Variants in PDE10A observed in about 807,000 individuals in gnomAD.
PDE10A encodes the protein phosphodiesterase 10A.
In PDE10A, 39 loss-of-function variants were observed where a neutral mutation model predicts 97.7. That is an observed-to-expected ratio of 0.40 (90% CI 0.31 to 0.52). The LOEUF (loss-of-function observed/expected upper bound fraction) is 0.52. Among genes scored for constraint, PDE10A ranks in the 20% least tolerant of loss-of-function variants. The pLI is 0.56. For synonymous variants in PDE10A, 371 were observed against 376.8 expected, an observed-to-expected ratio of 0.98 and a Z score of 0.18; for missense variants, 731 against 1,047.8, an observed-to-expected ratio of 0.70 and a Z score of 4.17.
chr6:165,358,922 G>A (rs964566621), intron 18 of PDE10A, among the ~76,000 whole-genome samples: 6 of 150,816 alleles, frequency 4.0e-5, no homozygotes, highest in African/African-American at 1.5e-4. Flanking sequence ...AGTTTCCCTG[G>A]GGATTATAAT....
intron 1 of PDE10A, among the ~76,000 whole-genome samples, chr6:165,728,635 TA>T (rs1023165676): frequency 5.3e-5 from 8 of 152,174 alleles, no homozygotes; most frequent in African/African-American, 1.9e-4. Flanking sequence ...TGACATGTTT[TA>T]GGCAAAAATG....
intron 18 of PDE10A, among the ~76,000 whole-genome samples, chr6:165,361,171 A>T (rs1295859303): frequency 6.6e-6 from 1 of 152,208 alleles, no homozygotes; most frequent in Non-Finnish European, 1.5e-5. Flanking sequence ...AGGTTTCAAG[A>T]TACAAGATAA....
chr6:165,841,801 A>G (rs1431842438), intron 1 of PDE10A, among the ~76,000 whole-genome samples: 1 of 152,226 alleles, frequency 6.6e-6, no homozygotes, highest in African/African-American at 2.4e-5. Context: ...TTCGTGCTCA[A>G]AGACTGCTCT....
intron 13 of PDE10A, among the ~76,000 whole-genome samples, chr6:165,408,560 G>A (rs973293835): frequency 4.6e-5 from 7 of 152,090 alleles, no homozygotes; most frequent in Admixed American, 3.3e-4. Context: ...AAAGAAACGC[G>A]ATGCTATCTT....
At chr6:165,554,291 T>C (rs1410166459) in intron 1 of PDE10A, among the ~76,000 whole-genome samples, 3 of 151,862 alleles carry the variant, frequency 2.0e-5, no homozygotes, top group East Asian at 1.9e-4. Context: ...CCAGAATATA[T>C]AAAGAGCTCA....
At chr6:165,872,659 TG>T (rs67551918) in intron 1 of PDE10A, among the ~76,000 whole-genome samples, 40,327 of 96,282 alleles carry the variant, frequency 0.42, 6,006 homozygotes, top group South Asian at 0.51. Flanking sequence ...GTGTTTTTTT[TG>T]TTGTTGTTGT....
chr6:165,582,060 G>A (rs1283432954), intron 1 of PDE10A, among the ~76,000 whole-genome samples: 3 of 152,084 alleles, frequency 2.0e-5, no homozygotes, highest in Non-Finnish European at 4.4e-5. Context: ...CATGGTCCCC[G>A]CTTTTACTTA....
chr6:165,608,061 T>C (rs1787297343), intron 1 of PDE10A, among the ~76,000 whole-genome samples: 1 of 148,182 alleles, frequency 6.7e-6, no homozygotes, highest in Admixed American at 6.7e-5. Flanking sequence ...TGTATATATA[T>C]GTATATATAT....
chr6:165,604,225 T>C (rs528763454), intron 1 of PDE10A, among the ~76,000 whole-genome samples: 1 of 152,312 alleles, frequency 6.6e-6, no homozygotes, highest in Non-Finnish European at 1.5e-5. Flanking sequence ...CATGGGTCTG[T>C]AGTAAAGCGC....
chr6:165,928,704 C>CACTTCTG (rs79867025), intron 1 of PDE10A, among the ~76,000 whole-genome samples: 30,210 of 151,940 alleles, frequency 0.2, 3,176 homozygotes, highest in East Asian at 0.27. Context: ...ACGTCTGGAG[C>CACTTCTG]ACTCCCTCAC....
chr6:165,495,984 A>C (rs534942873), intron 2 of PDE10A, among the ~76,000 whole-genome samples: 1 of 152,098 alleles, frequency 6.6e-6, no homozygotes, highest in African/African-American at 2.4e-5. Flanking sequence ...CTTGGTTGGG[A>C]GAATGCAGAC....
At chr6:165,472,680 C>A (rs556966432) in intron 3 of PDE10A, among the ~76,000 whole-genome samples, 22 of 152,226 alleles carry the variant, frequency 1.4e-4, no homozygotes, top group Admixed American at 1.3e-3. Flanking sequence ...GAATTCAAAT[C>A]TAAGTGTCAT....
At chr6:165,856,438 G>A (rs947533949) in intron 1 of PDE10A, among the ~76,000 whole-genome samples, 6 of 152,204 alleles carry the variant, frequency 3.9e-5, no homozygotes, top group African/African-American at 1.4e-4. Flanking sequence ...CAGCAGCCAA[G>A]AGAATGAAGC....
At chr6:165,405,085 TA>T (rs397754932) in intron 13 of PDE10A, among the ~76,000 whole-genome samples, 2,971 of 148,734 alleles carry the variant, frequency 0.02, 86 homozygotes, top group African/African-American at 0.07. Flanking sequence ...GGGAACAAAT[TA>T]AAAAAAAAAT....
At chr6:165,514,353 G>A (rs943276030) in intron 2 of PDE10A, among the ~76,000 whole-genome samples, 2 of 152,122 alleles carry the variant, frequency 1.3e-5, no homozygotes, top group African/African-American at 4.8e-5. Flanking sequence ...TGATGGATTG[G>A]CATTATTCTT....
intron 2 of PDE10A, among the ~76,000 whole-genome samples, chr6:165,515,572 G>A (rs947753511): frequency 7.0e-6 from 1 of 142,884 alleles, no homozygotes; most frequent in African/African-American, 2.6e-5. Context: ...CACACAGGGT[G>A]GAGTGCAGTG....
chr6:165,618,408 A>G (rs1490423586), intron 1 of PDE10A, among the ~76,000 whole-genome samples: 1 of 152,160 alleles, frequency 6.6e-6, no homozygotes, highest in African/African-American at 2.4e-5. Flanking sequence ...TAATCATGAA[A>G]GAGGCATTTG....
intron 13 of PDE10A, 65 bp from the exon 14 acceptor site, chr6:165,396,524 G>GA: frequency 6.7e-7 from 1 of 1,483,618 alleles, no homozygotes; most frequent in South Asian, 1.3e-5. Context: ...TTTTGTCACG[G>GA]AAGTTCAGAA....
At chr6:165,591,095 GTAT>G (rs1786236292) in intron 1 of PDE10A, among the ~76,000 whole-genome samples, 1 of 152,092 alleles carries the variant, frequency 6.6e-6, no homozygotes, top group African/African-American at 2.4e-5. Flanking sequence ...AAGAGAAGAG[GTAT>G]TTTTATTGGG....
Sources: allele counts gnomAD v4.1 joint callset (sites outside exome capture counted in the v4.1 genomes callset), GRCh38; gene constraint gnomAD v4.1.1; transcripts MANE v1.5; gene names NCBI Gene and HGNC (gene_info 2026-07-23, HGNC 2026-07-21).